The following IL17REL variants were observed in gnomAD, a reference collection of about 807,000 sequenced individuals.
IL17REL encodes interleukin-17 receptor E-like protein.
A neutral mutation model predicts 49.0 loss-of-function variants in IL17REL; 36 were observed. The observed-to-expected ratio is 0.73, with a 90% CI of 0.56 to 0.97. The LOEUF (loss-of-function observed/expected upper bound fraction) is 0.97. Among genes scored for constraint, IL17REL ranks in the 50% least tolerant of loss-of-function variants. The pLI is 0.00. For synonymous variants in IL17REL, 206 were observed against 192.4 expected, an observed-to-expected ratio of 1.07 and a Z score of -0.58; for missense variants, 470 against 453.9, an observed-to-expected ratio of 1.04 and a Z score of -0.32.
At chr22:50,010,936 T>C (rs1311295886), upstream of IL17REL, among the ~76,000 whole-genome samples, 1 of 151,776 alleles carries the variant, frequency 6.6e-6, no homozygotes, top group Non-Finnish European at 1.5e-5. Flanking sequence ...CCAGGGCGGC[T>C]GCTCGCGGCC....
downstream of IL17REL, among the ~76,000 whole-genome samples, chr22:49,993,461 C>T (rs528945970): frequency 6.6e-6 from 1 of 152,242 alleles, no homozygotes; most frequent in East Asian, 1.9e-4. This position sits in a 1 kb window ranked among gnomAD's most constrained non-coding sequence, Gnocchi z 6.0. Context: ...GCCAAGGAGG[C>T]GGTGGGTGCA....
At chr22:49,997,412 C>T (rs371574071) in exon 11 of IL17REL, 23 of 1,613,114 alleles carry the variant, frequency 1.4e-5, no homozygotes, top group African/African-American at 2.7e-5. Context: ...TGGAAGTGGG[C>T]GGGGCTGGAC....
Position 49,997,804 on chromosome 22 carries a change from G to A in IL17REL, c.820-62C>T, listed in dbSNP as rs2061046357. ...GTGTGTGAGGCAGGGGCAGGGACAGGGGCAGGGACAGGGACAGGCTGGGTC... is the reference window on the plus strand; with the variant it reads ...GTGTGTGAGGCAGGGGCAGGGACAGAGGCAGGGACAGGGACAGGCTGGGTC... On this transcript the variant is annotated intron_variant, in intron 9 of 12. Transcript: ENST00000341280. 1.9e-6 allele frequency: 3 copies of A among 1,550,698 alleles called. No homozygotes were observed. In the East Asian group the frequency reaches 6.7e-5, roughly 35 times the overall value.
chr22:50,004,034 T>C (rs1213013807), intron 1 of IL17REL, among the ~76,000 whole-genome samples: 2 of 152,222 alleles, frequency 1.3e-5, no homozygotes, highest in African/African-American at 4.8e-5. Flanking sequence ...ACAAGATCAA[T>C]ATACAAAAAT....
intron 7 of IL17REL, 72 bp downstream of exon 9, chr22:49,999,219 G>T: frequency 6.4e-7 from 1 of 1,556,118 alleles, no homozygotes; most frequent in Non-Finnish European, 8.9e-7. Flanking sequence ...CCCCACGTCA[G>T]TCCTCATGGT....
chr22:50,000,432 T>C (rs1007832013), intron 4 of IL17REL, 46 bp downstream of exon 5: 5 of 1,454,554 alleles, frequency 3.4e-6, no homozygotes, highest in East Asian at 2.3e-5. Flanking sequence ...AGCCAGGCCC[T>C]GGAGGCTGAA....
chr22:50,002,988 C>T (rs1050525030), intron 1 of IL17REL, among the ~76,000 whole-genome samples: 1 of 152,176 alleles, frequency 6.6e-6, no homozygotes, highest in Non-Finnish European at 1.5e-5. Context: ...TCTGGGAATG[C>T]GCCACTGTCT....
Position 49,998,320 on chromosome 22 carries a change from C to T in IL17REL, c.602-11G>A. 6.3e-7 allele frequency: 1 copy of T among 1,589,700 alleles called. No individual in the cohort carries two copies. The highest frequency in any genetic ancestry group is 8.6e-7 in the Non-Finnish European group (1 of 1,168,446). Reference sequence around the variant, plus strand: ...CCAGTGCCTCAGTGTCTGCAGGAACCCTCCCCGAAACACAGGTCAGTTGGG... The same window carrying T: ...CCAGTGCCTCAGTGTCTGCAGGAACTCTCCCCGAAACACAGGTCAGTTGGG... On this transcript the variant is annotated splice_polypyrimidine_tract_variant and intron_variant, in intron 7 of 12. Coordinates refer to ENST00000341280, the Ensembl canonical transcript of IL17REL.
At chr22:50,003,522 A>AAAC (rs1464255213) in intron 1 of IL17REL, among the ~76,000 whole-genome samples, 4 of 147,146 alleles carry the variant, frequency 2.7e-5, no homozygotes, top group African/African-American at 1.0e-4. Flanking sequence ...TCCATCTCAA[A>AAAC]AAAAAAAAAA....
At chr22:50,011,680 G>A (rs1201327310), upstream of IL17REL, among the ~76,000 whole-genome samples, 5 of 151,766 alleles carry the variant, frequency 3.3e-5, no homozygotes, top group Non-Finnish European at 7.4e-5. Flanking sequence ...CGGTTCCCAC[G>A]CATCCCAGCC....
At chr22:50,004,588 G>A (rs1245443914) in intron 1 of IL17REL, among the ~76,000 whole-genome samples, 2 of 151,862 alleles carry the variant, frequency 1.3e-5, no homozygotes, top group Non-Finnish European at 2.9e-5. Context: ...TATGTGTGAG[G>A]CCAACAACTC....
At position 50,008,389 on chromosome 22, in the gene IL17REL, G is replaced by C. The variant is rs549469377; in HGVS notation, c.-42+248C>G. On this transcript the variant is annotated intron_variant, in intron 1 of 12. Coordinates refer to ENST00000341280, the Ensembl canonical transcript of IL17REL. ...TTTGGAACGCAACGAGGCATTGTGCGTTAAGTGGAGACGTGGGACTCTCTG... is the reference window on the plus strand; with the variant it reads ...TTTGGAACGCAACGAGGCATTGTGCCTTAAGTGGAGACGTGGGACTCTCTG... Among the ~76,000 whole-genome samples, 27 of 152,336 alleles carry C rather than the reference G, an allele frequency of 1.8e-4. No homozygotes were observed. In the East Asian group the frequency reaches 4.6e-3, roughly 26 times the overall value.
At chr22:49,999,697 G>C in intron 5 of IL17REL, 131 bp downstream of exon 7, 2 of 418,128 alleles carry the variant, frequency 4.8e-6, no homozygotes, top group Non-Finnish European at 6.8e-6. Context: ...GTGGGGCCTA[G>C]GCCTGGCCGG....
In IL17REL at chr22:50,000,470, G is replaced by T. The variant is rs749497328; in HGVS notation, c.334+8C>A. Reference sequence around the variant, plus strand: ...GTAGCTGTGCTCAGGGGGCCCTGGGGACCCTACCTTCCACGAGGTGCCTCT... The same window carrying T: ...GTAGCTGTGCTCAGGGGGCCCTGGGTACCCTACCTTCCACGAGGTGCCTCT... On this transcript the variant is annotated splice_region_variant and intron_variant, in intron 4 of 12. Coordinates refer to ENST00000341280, the Ensembl canonical transcript of IL17REL. 2 of 1,603,316 alleles carry T rather than the reference G, an allele frequency of 1.2e-6. No homozygotes were observed. Among genetic ancestry groups the T allele is most frequent in the South Asian group, 1.1e-5 (1 of 90,886 alleles).
rs558223002 is a variant in IL17REL at position 50,004,407 on chromosome 22, G to C, written c.-41-3176C>G. Among the ~76,000 whole-genome samples the C allele has an allele frequency of 2.6e-5, 4 of 152,306 alleles. No individual in the cohort carries two copies. In the South Asian group the frequency reaches 8.3e-4, roughly 32 times the overall value. Reference sequence around the variant, plus strand: ...GAAAATTTAAAAATAAAGCTGGATGGTTTGGGGATAAAAAGCCAGGCTGTG... The same window carrying C: ...GAAAATTTAAAAATAAAGCTGGATGCTTTGGGGATAAAAAGCCAGGCTGTG... On this transcript the variant is annotated intron_variant, in intron 1 of 12. Coordinates refer to ENST00000341280, the Ensembl canonical transcript of IL17REL.
At chr22:49,997,282 C>CCA in intron 11 of IL17REL, 38 bp downstream of exon 13, 1 of 1,591,874 alleles carries the variant, frequency 6.3e-7, no homozygotes, top group Non-Finnish European at 8.6e-7. Flanking sequence ...GCCACCACCC[C>CCA]CACCTCCCCA....
intron 11 of IL17REL, 107 bp downstream of exon 13, chr22:49,997,213 G>C (rs2061040858): frequency 1.0e-5 from 14 of 1,404,258 alleles, no homozygotes; most frequent in Non-Finnish European, 1.4e-5. Flanking sequence ...CTAGACCCTG[G>C]GTGGGCTCAG....
At chr22:49,998,229 G>A in exon 8 of IL17REL, 1 of 1,612,542 alleles carries the variant, frequency 6.2e-7, no homozygotes, top group Non-Finnish European at 8.5e-7. Context: ...CCACTCACAG[G>A]GCAGGCGGGC....
chr22:49,999,060 C>G (rs2061057428), intron 7 of IL17REL, among the ~76,000 whole-genome samples: 1 of 152,008 alleles, frequency 6.6e-6, no homozygotes, highest in Admixed American at 6.6e-5. Context: ...GCTTGGTTTT[C>G]CCAGGTGAGC....
Sources: gnomAD v4.1 joint callset for allele counts (sites outside exome capture counted in the v4.1 genomes callset) on GRCh38, gnomAD v4.1.1 for gene constraint, Gnocchi (gnomAD v3.1) non-coding constraint, MANE v1.5 for transcripts, NCBI Gene and HGNC (gene_info 2026-07-23, HGNC 2026-07-21) for gene names.